Variants in NSF observed in about 807,000 individuals in gnomAD.
NSF encodes the protein N-ethylmaleimide sensitive factor, vesicle fusing ATPase.
A neutral mutation model predicts 50.3 loss-of-function variants in NSF; 14 were observed. That is an observed-to-expected ratio of 0.28 (90% CI 0.18 to 0.44). NSF has a LOEUF of 0.44. Ranked by LOEUF, NSF falls within the 20% of genes least tolerant of loss-of-function variation. NSF has a pLI of 1.00. For synonymous variants in NSF, 109 were observed against 175.7 expected, an observed-to-expected ratio of 0.62 and a Z score of 3.00; for missense variants, 218 against 504.3, an observed-to-expected ratio of 0.43 and a Z score of 5.44.
chr17:46,745,095 A>G (rs1459415579), intron 17 of NSF, among the ~76,000 whole-genome samples: 1 of 151,962 alleles, frequency 6.6e-6, no homozygotes, highest in Admixed American at 6.6e-5. Context: ...GGACATTAAG[A>G]CTGGTGGCCA....
intron 12 of NSF, among the ~76,000 whole-genome samples, chr17:46,703,827 C>G (rs1045031569): frequency 6.9e-6 from 1 of 143,996 alleles, no homozygotes; most frequent in African/African-American, 2.6e-5. Context: ...CTCTTTTCAT[C>G]TTGTAAAACT....
chr17:46,676,390 G>A (rs1253400136), intron 9 of NSF, among the ~76,000 whole-genome samples: 8 of 135,752 alleles, frequency 5.9e-5, no homozygotes, highest in African/African-American at 9.0e-5. Context: ...GCACCACCAC[G>A]CCCAGCTAAT....
intron 17 of NSF, among the ~76,000 whole-genome samples, chr17:46,746,405 T>C (rs572412046): frequency 9.2e-5 from 14 of 152,310 alleles, no homozygotes; most frequent in African/African-American, 2.9e-4. Context: ...ATGAGTAACA[T>C]TGAGAAAGGC....
chr17:46,696,528 A>G (rs2058596908), intron 12 of NSF, among the ~76,000 whole-genome samples: 1 of 116,172 alleles, frequency 8.6e-6, no homozygotes, highest in Non-Finnish European at 1.6e-5. Flanking sequence ...GCAGAGACAC[A>G]GAATAGCATA....
intron 9 of NSF, among the ~76,000 whole-genome samples, chr17:46,691,595 A>C (rs1278931998): frequency 1.3e-5 from 2 of 151,476 alleles, no homozygotes; most frequent in Admixed American, 1.3e-4. Flanking sequence ...ACTTCATCTC[A>C]AACAAACAAA....
chr17:46,710,538 T>C (rs1457895909), intron 13 of NSF, among the ~76,000 whole-genome samples: 1 of 152,242 alleles, frequency 6.6e-6, no homozygotes, highest in Non-Finnish European at 1.5e-5. Flanking sequence ...CGTATTCTCA[T>C]GTTAATCCAT....
rs571346812 is a variant in NSF at position 46,755,454 on chromosome 17, A to G, written c.2213+85A>G. On this transcript the variant is annotated intron_variant, in intron 20 of 20. Coordinates refer to ENST00000398238, the MANE Select transcript of NSF (RefSeq NM_006178.4). ...TGCCTATTCTAAGAGTTGCTTTCCTAGATAAGTTTGTTTCCATTTATTTGA... is the reference window on the plus strand; with the variant it reads ...TGCCTATTCTAAGAGTTGCTTTCCTGGATAAGTTTGTTTCCATTTATTTGA... 44 of 1,154,782 alleles carry G rather than the reference A, an allele frequency of 3.8e-5. 1 individual carries two copies. The highest frequency in any genetic ancestry group is 4.6e-5 in the Non-Finnish European group (35 of 768,068). 71.5% of individuals were successfully genotyped at this position (1,154,782 alleles called of 1,614,324 possible).
Position 46,755,760 on chromosome 17 carries a change from G to A in NSF, c.2214-42G>A, listed in dbSNP as rs2059227731. The A allele has an allele frequency of 2.6e-6, 4 of 1,560,522 alleles. No individual in the cohort carries two copies. The East Asian group carries it at 9.0e-5, about 35-fold the overall frequency. On this transcript the variant is annotated intron_variant, in intron 20 of 20. Coordinates refer to ENST00000398238, the MANE Select transcript of NSF (RefSeq NM_006178.4). ...TTTTTTTGATGAATAGTTTTTTACG[G>A]ACCCTCATCTGTTTTTTTGTGTTTT...
At chr17:46,736,518 G>A (rs2059006679) in intron 17 of NSF, among the ~76,000 whole-genome samples, 1 of 152,146 alleles carries the variant, frequency 6.6e-6, no homozygotes, top group Non-Finnish European at 1.5e-5. Flanking sequence ...GTTAATCTTG[G>A]ATGGTAGGAT....
intron 2 of NSF, among the ~76,000 whole-genome samples, chr17:46,625,946 C>A (rs1485754273): frequency 7.2e-6 from 1 of 138,286 alleles, no homozygotes; most frequent in African/African-American, 2.8e-5. Context: ...TTCTATCTTA[C>A]ACATAGTACT....
At position 46,678,454 on chromosome 17, in the gene NSF, A is replaced by G. The variant is rs543794126; in HGVS notation, c.945+3841A>G. On this transcript the variant is annotated intron_variant, in intron 9 of 20. Transcript: ENST00000398238. ...TGAAAGATATAAGATGAAAATAACC[A>G]GAGACAAAGAATGAAAGGAATTAAG... is the stretch of plus-strand genomic sequence containing the variant. Among the ~76,000 whole-genome samples the G allele has an allele frequency of 3.4e-3, 504 of 149,564 alleles. 7 individuals carry two copies. Among genetic ancestry groups the G allele is most frequent in the African/African-American group, 0.012 (473 of 40,258 alleles).
chr17:46,690,624 A>AAT (rs1374633889), intron 9 of NSF, among the ~76,000 whole-genome samples: 73 of 110,924 alleles, frequency 6.6e-4, no homozygotes, highest in East Asian at 1.9e-3. Context: ...AAAAAAAAAA[A>AAT]ATATATATAT....
At chr17:46,679,114 A>G (rs1010410174) in intron 9 of NSF, among the ~76,000 whole-genome samples, 3 of 152,102 alleles carry the variant, frequency 2.0e-5, no homozygotes, top group Non-Finnish European at 4.4e-5. Context: ...GTAAAACTAT[A>G]AAGGAAAATG....
chr17:46,709,723 T>C (rs1322398108), intron 13 of NSF, among the ~76,000 whole-genome samples: 1 of 151,876 alleles, frequency 6.6e-6, no homozygotes, highest in African/African-American at 2.4e-5. Flanking sequence ...TGGAACTCCA[T>C]ACCTCAGGTG....
intron 17 of NSF, among the ~76,000 whole-genome samples, chr17:46,739,280 A>G (rs868833669): frequency 1.5e-4 from 22 of 150,278 alleles, no homozygotes; most frequent in Admixed American, 1.1e-3. Flanking sequence ...CTGAGGCAGG[A>G]GAATCGCTTG....
chr17:46,738,946 A>G (rs1404101395), intron 17 of NSF, among the ~76,000 whole-genome samples: 1 of 151,500 alleles, frequency 6.6e-6, no homozygotes, highest in Non-Finnish European at 1.5e-5. Flanking sequence ...TACTAAAAAT[A>G]CAAAAAAGTC....
chr17:46,728,812 C>T, intron 16 of NSF, 43 bp from the exon 17 acceptor site: 11 of 1,278,304 alleles, frequency 8.6e-6, no homozygotes, highest in Non-Finnish European at 1.1e-5. Flanking sequence ...GGAATATGTA[C>T]ATGTGTATCA....
At chr17:46,676,346 C>A (rs1390305459) in intron 9 of NSF, among the ~76,000 whole-genome samples, 1 of 136,944 alleles carries the variant, frequency 7.3e-6, no homozygotes, top group Non-Finnish European at 1.5e-5. Context: ...AATTCTCCTG[C>A]CTCAGCCTCC....
Position 46,713,883 on chromosome 17 carries a change from C to T in NSF, c.1658C>T (p.Ala553Val), listed in dbSNP as rs1425866561. 6.2e-7 allele frequency: 1 copy of T among 1,612,432 alleles called. No homozygotes were observed. The highest frequency in any genetic ancestry group is 1.1e-5 in the South Asian group (1 of 90,668). ...CCTCACAGTGGGAAGACTGCTTTAG[C>T]TGCAAAAATTGCAGAGGAATCCAAC... is the stretch of plus-strand genomic sequence containing the variant. ...GPPHSGKTALAAKIAEESNFP... is the reference protein window; with the variant it reads ...GPPHSGKTALVAKIAEESNFP... The change falls in exon 15 of 21, where the codon GCT (alanine) becomes GTT (valine). Residue 553 changes from alanine to valine, a missense_variant. Around this residue, in one of 2 missense-constraint regions of NSF, gnomAD observed 209 missense variants for 320.9 expected, o/e 0.65. Coordinates refer to ENST00000398238, the MANE Select transcript of NSF (RefSeq NM_006178.4).
Sources: allele counts gnomAD v4.1 joint callset (sites outside exome capture counted in the v4.1 genomes callset), GRCh38; gene constraint gnomAD v4.1.1; regional missense constraint gnomAD v4.1.1; transcripts MANE v1.5; gene names NCBI Gene and HGNC (gene_info 2026-07-23, HGNC 2026-07-21).